Variants in MGAT4A observed in about 807,000 individuals in gnomAD.
MGAT4A encodes alpha-1,3-mannosyl-glycoprotein 4-beta-N-acetylglucosaminyltransferase A, also known as N-acetylglucosaminyltransferase IVa.
A neutral mutation model predicts 74.1 loss-of-function variants in MGAT4A; 33 were observed. The ratio of observed to expected loss-of-function variants is 0.45; its 90% CI spans 0.34 to 0.60. The LOEUF is 0.60. Ranked by LOEUF, MGAT4A falls within the 20% of genes least tolerant of loss-of-function variation. MGAT4A has a pLI of 0.02. For synonymous variants in MGAT4A, 198 were observed against 210.4 expected, an observed-to-expected ratio of 0.94 and a Z score of 0.51; for missense variants, 479 against 628.3, an observed-to-expected ratio of 0.76 and a Z score of 2.54.
intron 14 of MGAT4A, among the ~76,000 whole-genome samples, chr2:98,633,965 T>C (rs1189649223): frequency 6.6e-6 from 1 of 152,182 alleles, no homozygotes; most frequent in African/African-American, 2.4e-5. Flanking sequence ...CTCTTAGCAA[T>C]GGCTGAATGA....
rs1479039995 is a variant in MGAT4A, at chr2:98,620,124, T to TTATA, written c.*5438_*5441dup. On this transcript the variant is annotated 3_prime_UTR_variant, in exon 16 of 16. Coordinates refer to ENST00000393487, the MANE Select transcript of MGAT4A (RefSeq NM_012214.3). ...GAGTGTTTCAGGTAAGAAGAAGAGT[T>TTATA]TATATATAGGTGTTGATACAGATAT... The TTATA allele has an allele frequency of 1.3e-5, 2 of 152,192 alleles. No homozygotes were observed. Among genetic ancestry groups the TTATA allele is most frequent in the Non-Finnish European group, 2.9e-5 (2 of 68,030 alleles). 9.4% of individuals were successfully genotyped at this position (152,192 alleles called of 1,614,324 possible). A position where few individuals can be genotyped will look rare whatever the true frequency, so the allele number is the denominator to read the frequency against.
At chr2:98,665,456 C>T (rs1023162751) in intron 4 of MGAT4A, among the ~76,000 whole-genome samples, 1 of 152,060 alleles carries the variant, frequency 6.6e-6, no homozygotes. Flanking sequence ...CCCAAGGTCT[C>T]GTGACACAAC....
At chr2:98,658,080 T>A (rs1307014987) in intron 6 of MGAT4A, 138 bp downstream of exon 6, 3 of 608,134 alleles carry the variant, frequency 4.9e-6, no homozygotes, top group Non-Finnish European at 8.8e-6. Context: ...CAATATCAAA[T>A]ACCAATCAGA....
intron 14 of MGAT4A, among the ~76,000 whole-genome samples, chr2:98,627,006 G>T (rs895782604): frequency 2.6e-5 from 4 of 152,120 alleles, no homozygotes. Flanking sequence ...TAGCCTTCCG[G>T]TATATTATTA....
chr2:98,688,013 T>C (rs1181217095), intron 2 of MGAT4A, among the ~76,000 whole-genome samples: 1 of 152,168 alleles, frequency 6.6e-6, no homozygotes, highest in African/African-American at 2.4e-5. Context: ...TGTCTGACTC[T>C]TCCAATAGTC....
At chr2:98,658,904 C>A (rs1161909907) in intron 5 of MGAT4A, among the ~76,000 whole-genome samples, 1 of 152,064 alleles carries the variant, frequency 6.6e-6, no homozygotes, top group Non-Finnish European at 1.5e-5. Flanking sequence ...ATTAATTTTT[C>A]TTTATTTTCT....
Position 98,623,916 on chromosome 2 carries a change from A to G in MGAT4A, c.*1650T>C, listed in dbSNP as rs1054403217. Reference sequence around the variant, plus strand: ...CAGCCAGTGGTCACTCTGAAAGCTCAGCAGAATCCATCTCTGCCCGTCTGC... The same window carrying G: ...CAGCCAGTGGTCACTCTGAAAGCTCGGCAGAATCCATCTCTGCCCGTCTGC... On this transcript the variant is annotated 3_prime_UTR_variant, in exon 16 of 16. Coordinates refer to ENST00000393487, the MANE Select transcript of MGAT4A (RefSeq NM_012214.3). 3 of 985,222 alleles carry G rather than the reference A, an allele frequency of 3.0e-6. No individual in the cohort carries two copies. The highest frequency in any genetic ancestry group is 1.1e-4 in the East Asian group (1 of 8,802). 61.0% of individuals were successfully genotyped at this position (985,222 alleles called of 1,614,324 possible). A position where few individuals can be genotyped will look rare whatever the true frequency, so the allele number is the denominator to read the frequency against.
intron 2 of MGAT4A, among the ~76,000 whole-genome samples, chr2:98,687,508 T>C (rs1007640543): frequency 1.3e-5 from 2 of 152,114 alleles, no homozygotes; most frequent in Admixed American, 6.6e-5. Context: ...TTTCTCCTTC[T>C]TCCCTCTTCT....
chr2:98,671,538 A>T (rs1285785179), intron 4 of MGAT4A, among the ~76,000 whole-genome samples: 2 of 152,170 alleles, frequency 1.3e-5, no homozygotes, highest in Non-Finnish European at 2.9e-5. Flanking sequence ...CGTAAACTAC[A>T]GTGACCTTCT....
chr2:98,671,708 C>T (rs182777142), intron 4 of MGAT4A, among the ~76,000 whole-genome samples: 1 of 152,122 alleles, frequency 6.6e-6, no homozygotes, highest in African/African-American at 2.4e-5. Context: ...AATATGTTAC[C>T]TTACATGGCA....
intron 14 of MGAT4A, among the ~76,000 whole-genome samples, chr2:98,634,325 A>G (rs1701286634): frequency 6.6e-6 from 1 of 152,176 alleles, no homozygotes; most frequent in African/African-American, 2.4e-5. Flanking sequence ...AAAAGCATTT[A>G]TTAGAAGGAA....
intron 2 of MGAT4A, among the ~76,000 whole-genome samples, chr2:98,700,445 A>C (rs1382432655): frequency 6.6e-6 from 1 of 151,022 alleles, no homozygotes; most frequent in African/African-American, 2.4e-5. Flanking sequence ...ATCTATCTAT[A>C]AGGTAGGTCT....
intron 8 of MGAT4A, among the ~76,000 whole-genome samples, chr2:98,652,427 T>G (rs1213425704): frequency 1.4e-5 from 2 of 147,818 alleles, no homozygotes; most frequent in African/African-American, 2.5e-5. Flanking sequence ...ACCTCCCGGG[T>G]TCACGCCATT....
At chr2:98,700,177 C>T (rs1347960443) in intron 2 of MGAT4A, among the ~76,000 whole-genome samples, 1 of 152,072 alleles carries the variant, frequency 6.6e-6, no homozygotes, top group Non-Finnish European at 1.5e-5. Flanking sequence ...GTGCAGGGGC[C>T]ATCTCACAAG....
chr2:98,674,163 A>G (rs1402926284), intron 4 of MGAT4A, among the ~76,000 whole-genome samples: 2 of 152,230 alleles, frequency 1.3e-5, no homozygotes, highest in Non-Finnish European at 2.9e-5. Flanking sequence ...CCCCCAAATA[A>G]GACAGCAAAA....
In MGAT4A at chr2:98,666,059, A is replaced by G. The variant is rs1575258818; in HGVS notation, c.404-2880T>C. Among the ~76,000 whole-genome samples the G allele has an allele frequency of 5.3e-5, 8 of 152,364 alleles. No individual in the cohort carries two copies. The South Asian group carries it at 1.7e-3, about 32-fold the overall frequency. ...ATCCAATTTGTAATTTTAAGAGATT[A>G]CCAAATTTCACAAAAAGTAAAAGCA... On this transcript the variant is annotated intron_variant, in intron 4 of 15. Transcript: ENST00000393487.
intron 4 of MGAT4A, among the ~76,000 whole-genome samples, chr2:98,668,195 C>A (rs1369203250): frequency 1.3e-5 from 2 of 152,210 alleles, no homozygotes; most frequent in East Asian, 3.9e-4. Flanking sequence ...CAGGGCATGT[C>A]AGAGACCTTT....
At chr2:98,639,507 A>G (rs931881328) in intron 12 of MGAT4A, among the ~76,000 whole-genome samples, 5 of 152,180 alleles carry the variant, frequency 3.3e-5, no homozygotes, top group African/African-American at 1.2e-4. Flanking sequence ...CAGGATAAAG[A>G]CATAAACACT....
chr2:98,667,645 A>G (rs1418847847), intron 4 of MGAT4A, among the ~76,000 whole-genome samples: 1 of 152,202 alleles, frequency 6.6e-6, no homozygotes, highest in Non-Finnish European at 1.5e-5. Flanking sequence ...GAAATTTCTA[A>G]GCAGCAAAGC....
Sources: gnomAD v4.1 joint callset for allele counts (sites outside exome capture counted in the v4.1 genomes callset) on GRCh38, gnomAD v4.1.1 for gene constraint, MANE v1.5 for transcripts, NCBI Gene and HGNC (gene_info 2026-07-23, HGNC 2026-07-21) for gene names.